Variants in ATP8B4 observed in about 807,000 individuals in gnomAD.
ATP8B4 encodes probable phospholipid-transporting ATPase IM.
Under a neutral mutation model 145.6 loss-of-function variants are expected in ATP8B4, and 133 were observed. The ratio of observed to expected loss-of-function variants is 0.91; its 90% confidence interval spans 0.79 to 1.05. The LOEUF (loss-of-function observed/expected upper bound fraction) is 1.05. Among genes scored for constraint, ATP8B4 ranks in the 50% least tolerant of loss-of-function variants. The pLI is 0.00. For missense variants in ATP8B4, 1,458 were observed against 1,425.2 expected (o/e 1.02, Z -0.37); for synonymous variants, 507 against 492.9 (o/e 1.03, Z -0.38).
intron 2 of ATP8B4, among the ~76,000 whole-genome samples, chr15:50,104,866 TACACAC>T (rs142425113): frequency 5.2e-5 from 6 of 116,318 alleles, no homozygotes; most frequent in African/African-American, 7.3e-5. Flanking sequence ...AAATGTTGCA[TACACAC>T]ACACACACAC....
intron 16 of ATP8B4, among the ~76,000 whole-genome samples, chr15:49,930,690 C>G (rs1248117707): frequency 6.6e-6 from 1 of 152,040 alleles, no homozygotes; most frequent in African/African-American, 2.4e-5. Flanking sequence ...TGAATCCCAG[C>G]TATTCTACTT....
chr15:49,975,877 A>T (rs1342056996), intron 12 of ATP8B4, among the ~76,000 whole-genome samples: 1 of 152,130 alleles, frequency 6.6e-6, no homozygotes, highest in Non-Finnish European at 1.5e-5. Flanking sequence ...TGTAATTTAC[A>T]AGGATATCCA....
intron 16 of ATP8B4, among the ~76,000 whole-genome samples, chr15:49,929,297 C>A (rs1269942555): frequency 6.6e-6 from 1 of 152,132 alleles, no homozygotes; most frequent in East Asian, 1.9e-4. Flanking sequence ...CATTTAGTCT[C>A]CTCTTGTCTT....
intron 1 of ATP8B4, among the ~76,000 whole-genome samples, chr15:50,178,559 C>T (rs2044798133): frequency 6.6e-6 from 1 of 152,064 alleles, no homozygotes; most frequent in African/African-American, 2.4e-5. Flanking sequence ...GATGGGGTCT[C>T]ACTGTGTTGC....
intron 3 of ATP8B4, among the ~76,000 whole-genome samples, chr15:50,051,236 C>T (rs1484934846): frequency 6.6e-6 from 1 of 152,166 alleles, no homozygotes; most frequent in Non-Finnish European, 1.5e-5. Context: ...CTTGTTGCCT[C>T]CATGTGAAGA....
chr15:50,077,828 TA>T (rs1421518408), intron 2 of ATP8B4, among the ~76,000 whole-genome samples: 1 of 152,124 alleles, frequency 6.6e-6, no homozygotes, highest in Non-Finnish European at 1.5e-5. Context: ...CTACAGCAGC[TA>T]TAGCCAACTT....
intron 3 of ATP8B4, among the ~76,000 whole-genome samples, chr15:50,070,204 A>G (rs1000254719): frequency 6.6e-6 from 1 of 152,148 alleles, no homozygotes; most frequent in African/African-American, 2.4e-5. Context: ...AAGTCTCTCC[A>G]AATTCATTTC....
At chr15:49,875,295 T>C (rs2034239938) in intron 25 of ATP8B4, among the ~76,000 whole-genome samples, 1 of 152,162 alleles carries the variant, frequency 6.6e-6, no homozygotes, top group Admixed American at 6.5e-5. Flanking sequence ...TCAAATAATC[T>C]CTTGGAGTAC....
chr15:50,125,241 A>G (rs2057299495), intron 1 of ATP8B4, among the ~76,000 whole-genome samples: 1 of 152,142 alleles, frequency 6.6e-6, no homozygotes, highest in Non-Finnish European at 1.5e-5. Flanking sequence ...AGACCCAAGG[A>G]GCAGCCAGAC....
intron 1 of ATP8B4, among the ~76,000 whole-genome samples, chr15:50,131,189 G>C (rs1051937181): frequency 6.6e-6 from 1 of 152,098 alleles, no homozygotes; most frequent in African/African-American, 2.4e-5. Context: ...GGGGATTATG[G>C]GGATTATGAA....
At position 50,055,582 on chromosome 15, in the gene ATP8B4, A is replaced by T. The variant is rs182663556; in HGVS notation, c.88-8118T>A. ...CCCACATTTGATGAAACATTTGTAC[A>T]TCATGACAACTATAAAAAGTAACCT... On this transcript the variant is annotated intron_variant, in intron 3 of 27. Coordinates refer to ENST00000284509, the MANE Select transcript of ATP8B4 (RefSeq NM_024837.4). 1.7e-3 allele frequency among the ~76,000 whole-genome samples: 260 copies of T among 152,302 alleles called. 1 individual carries two copies. The highest frequency in any genetic ancestry group is 2.8e-3 in the Non-Finnish European group (192 of 68,022).
intron 16 of ATP8B4, among the ~76,000 whole-genome samples, chr15:49,926,155 T>C (rs997202206): frequency 2.6e-5 from 4 of 152,132 alleles, no homozygotes; most frequent in African/African-American, 9.6e-5. Context: ...AATCCATCTC[T>C]AGCACTCCAT....
chr15:50,006,077 G>T (rs970031737), intron 7 of ATP8B4, among the ~76,000 whole-genome samples: 1 of 151,958 alleles, frequency 6.6e-6, no homozygotes, highest in African/African-American at 2.4e-5. Context: ...AAGTTTATAT[G>T]GTAATAGGTA....
intron 20 of ATP8B4, among the ~76,000 whole-genome samples, 164 bp downstream of exon 20, chr15:49,916,770 G>A (rs2039780738): frequency 6.6e-6 from 1 of 152,176 alleles, no homozygotes; most frequent in African/African-American, 2.4e-5. Flanking sequence ...ATCTCAGTTT[G>A]TCACCAAAAT....
chr15:50,051,043 C>T (rs569637663), intron 3 of ATP8B4, among the ~76,000 whole-genome samples: 2 of 152,254 alleles, frequency 1.3e-5, no homozygotes, highest in East Asian at 1.9e-4. Context: ...TGTGTCCCTA[C>T]CCAAATCTCA....
At chr15:50,036,811 A>C (rs1194400654) in intron 6 of ATP8B4, among the ~76,000 whole-genome samples, 3 of 152,128 alleles carry the variant, frequency 2.0e-5, no homozygotes, top group African/African-American at 4.8e-5. Context: ...TTTTTGCCTG[A>C]TTTTTCACTG....
chr15:50,072,409 G>C (rs1371249228), intron 3 of ATP8B4, among the ~76,000 whole-genome samples: 1 of 152,098 alleles, frequency 6.6e-6, no homozygotes. Flanking sequence ...CAGAGTCATA[G>C]AAGAATAAGA....
intron 1 of ATP8B4, among the ~76,000 whole-genome samples, chr15:50,167,915 C>T (rs928082089): frequency 5.1e-4 from 78 of 152,068 alleles, no homozygotes; most frequent in Middle Eastern, 6.8e-3. Flanking sequence ...TGGAGGTGCT[C>T]GGTAGGCCAT....
intron 1 of ATP8B4, among the ~76,000 whole-genome samples, chr15:50,126,681 T>C (rs1365949693): frequency 2.0e-5 from 3 of 152,224 alleles, no homozygotes; most frequent in Non-Finnish European, 4.4e-5. Flanking sequence ...GAATTTCCAT[T>C]GAAGAAACGC....
Sources: gnomAD v4.1 joint callset for allele counts (sites outside exome capture counted in the v4.1 genomes callset) on GRCh38, gnomAD v4.1.1 for gene constraint, MANE v1.5 for transcripts, NCBI Gene and HGNC (gene_info 2026-07-23, HGNC 2026-07-21) for gene names.